PGM1: variants seen among roughly 807,000 people sequenced by gnomAD.
PGM1 encodes the protein phosphoglucomutase 1.
Under a neutral mutation model 55.6 loss-of-function variants are expected in PGM1, and 52 were observed. The observed-to-expected ratio is 0.94, with a 90% confidence interval of 0.75 to 1.18. PGM1 has a LOEUF of 1.18. Ranked by LOEUF, PGM1 falls within the 50% of genes most tolerant of loss-of-function variation. The pLI, the probability that PGM1 is intolerant of heterozygous loss-of-function variation, is 0.00. For synonymous variants in PGM1, 287 were observed against 271.7 expected (o/e 1.06, Z -0.55); for missense variants, 724 against 729.3 (o/e 0.99, Z 0.08).
rs141031220 is a variant in PGM1 at position 63,646,595 on chromosome 1, C to A, written c.1145-1922C>A. Among the ~76,000 whole-genome samples the A allele has an allele frequency of 4.1e-3, 619 of 152,072 alleles. 2 individuals are homozygous for A. Among genetic ancestry groups the A allele is most frequent in the African/African-American group, 0.014 (577 of 41,496 alleles). On this transcript the variant is annotated intron_variant, in intron 7 of 10. Transcript: ENST00000371084. ...ATTTGAAGGCTTTGATCCTTTTTTG[C>A]CAAATTGATGTCCAGAAGGATTGTG...
At chr1:63,642,955 C>G (rs1649556362) in intron 7 of PGM1, among the ~76,000 whole-genome samples, 1 of 152,184 alleles carries the variant, frequency 6.6e-6, no homozygotes, top group Admixed American at 6.5e-5. Context: ...AAGGCCTTCT[C>G]ATAGAGGGCT....
intron 8 of PGM1, among the ~76,000 whole-genome samples, chr1:63,650,007 G>A (rs1649762829): frequency 6.6e-6 from 1 of 152,124 alleles, no homozygotes; most frequent in Admixed American, 6.5e-5. Context: ...GGTTAGGAGG[G>A]GTTGTTCAGA....
At chr1:63,623,436 C>A (rs1403150884) in intron 1 of PGM1, 2 of 1,605,360 alleles carry the variant, frequency 1.2e-6, no homozygotes, top group Non-Finnish European at 1.7e-6. Context: ...GACACCCTCA[C>A]TGAGCCAGTC....
At chr1:63,638,212 A>C (rs988541385) in intron 6 of PGM1, among the ~76,000 whole-genome samples, 2 of 152,202 alleles carry the variant, frequency 1.3e-5, no homozygotes, top group African/African-American at 4.8e-5. Context: ...GCGGTCGGTC[A>C]TCCTGGCTTT....
In PGM1 at chr1:63,600,204, C is replaced by T. The variant is rs542219846; in HGVS notation, c.246+6470C>T. 4.6e-5 allele frequency: 7 copies of T among 152,314 alleles called. No individual in the cohort carries two copies. In the South Asian group the frequency reaches 1.5e-3, roughly 32 times the overall value. The allele number at this position is 152,314 out of a possible 1,614,324, so 9.4% of individuals were successfully genotyped here. On this transcript the variant is annotated intron_variant, in intron 1 of 10. Coordinates refer to ENST00000371084, the MANE Select transcript of PGM1 (RefSeq NM_002633.3). ...CTTAGTCACTAAACAATCTTTGTTA[C>T]ATAAAATACTTAAATCAGCTTGCTT...
intron 1 of PGM1, among the ~76,000 whole-genome samples, chr1:63,598,855 C>G (rs867171961): frequency 1.3e-5 from 2 of 152,158 alleles, no homozygotes; most frequent in African/African-American, 2.4e-5. Flanking sequence ...GGTTAAGGGT[C>G]TCATGTTCTC....
chr1:63,601,555 C>T (rs1200819102), intron 1 of PGM1, among the ~76,000 whole-genome samples: 2 of 152,160 alleles, frequency 1.3e-5, no homozygotes, highest in Admixed American at 6.5e-5. Flanking sequence ...AAGCTGTGCT[C>T]ACAGTTGGGA....
At chr1:63,617,168 C>A (rs1318327808) in intron 1 of PGM1, among the ~76,000 whole-genome samples, 1 of 152,332 alleles carries the variant, frequency 6.6e-6, no homozygotes, top group South Asian at 2.1e-4. Context: ...TGTCTCCTTG[C>A]TGTGGACTGA....
chr1:63,659,787 T>C lies in PGM1; in HGVS notation c.*112T>C. 1.2e-6 allele frequency: 1 copy of C among 814,390 alleles called. No individual in the cohort carries two copies. The highest frequency in any genetic ancestry group is 2.1e-6 in the Non-Finnish European group (1 of 471,856). 50.4% of individuals were successfully genotyped at this position (814,390 alleles called of 1,614,324 possible). A position where few individuals can be genotyped will look rare whatever the true frequency, so the allele number is the denominator to read the frequency against. ...TCACCAAGCATTTTAGGATTTGACT[T>C]TTTCACTAACCAGTTGACGAGCAGT... On this transcript the variant is annotated 3_prime_UTR_variant, in exon 11 of 11. Transcript: ENST00000371084.
At chr1:63,604,272 G>T (rs1170002840) in intron 1 of PGM1, among the ~76,000 whole-genome samples, 3 of 152,194 alleles carry the variant, frequency 2.0e-5, no homozygotes, top group Admixed American at 1.3e-4. Flanking sequence ...GATTAAACAA[G>T]ATGTTTTTCT....
intron 4 of PGM1, 61 bp downstream of exon 4, chr1:63,631,843 G>C: frequency 6.6e-7 from 1 of 1,521,442 alleles, no homozygotes; most frequent in Non-Finnish European, 9.1e-7. Flanking sequence ...CCTCTTCTGT[G>C]TGTATCATGA....
chr1:63,649,951 GATAA>G (rs1649761183), intron 8 of PGM1, among the ~76,000 whole-genome samples: 3 of 152,260 alleles, frequency 2.0e-5, no homozygotes, highest in South Asian at 4.1e-4. Flanking sequence ...GTTTTGAACC[GATAA>G]ATGAATGAGT....
chr1:63,607,537 G>A (rs1648454483), intron 1 of PGM1, among the ~76,000 whole-genome samples: 1 of 152,158 alleles, frequency 6.6e-6, no homozygotes, highest in African/African-American at 2.4e-5. Flanking sequence ...CCCAGCGAAG[G>A]CGTTCTGCAG....
intron 3 of PGM1, among the ~76,000 whole-genome samples, chr1:63,631,248 G>A (rs1291094158): frequency 6.6e-6 from 1 of 152,196 alleles, no homozygotes; most frequent in Non-Finnish European, 1.5e-5. Flanking sequence ...GGAAAGAAAA[G>A]TGGGGATTAC....
intron 8 of PGM1, among the ~76,000 whole-genome samples, chr1:63,650,599 G>A (rs958555600): frequency 4.6e-5 from 7 of 152,078 alleles, no homozygotes; most frequent in Admixed American, 3.3e-4. Context: ...TTGCATATAT[G>A]ATATCTATTT....
At chr1:63,652,007 G>C (rs995241487) in intron 9 of PGM1, among the ~76,000 whole-genome samples, 155 bp downstream of exon 9, 23 of 152,088 alleles carry the variant, frequency 1.5e-4, no homozygotes, top group African/African-American at 5.1e-4. Flanking sequence ...GCTGTCCCAC[G>C]TGACTCTCAC....
intron 1 of PGM1, among the ~76,000 whole-genome samples, chr1:63,597,787 A>G (rs997892383): frequency 2.0e-5 from 3 of 152,192 alleles, no homozygotes; most frequent in Non-Finnish European, 4.4e-5. Context: ...CTCACAAATG[A>G]ATGTGTGCAT....
chr1:63,604,004 A>G lies in PGM1; in HGVS notation c.246+10270A>G, dbSNP rs181845383. 6.0e-4 allele frequency among the ~76,000 whole-genome samples: 91 copies of G among 152,308 alleles called. 1 individual carries two copies. The highest frequency in any genetic ancestry group is 2.0e-3 in the African/African-American group (84 of 41,578). On this transcript the variant is annotated intron_variant, in intron 1 of 10. Transcript: ENST00000371084. ...TGCTACTCAGAGTGCACATATGAGAATCATCTCAATCATGATTCATCACCT... is the reference window on the plus strand; with the variant it reads ...TGCTACTCAGAGTGCACATATGAGAGTCATCTCAATCATGATTCATCACCT...
chr1:63,618,852 C>G (rs895867093), intron 1 of PGM1, among the ~76,000 whole-genome samples: 3 of 152,116 alleles, frequency 2.0e-5, no homozygotes, highest in Admixed American at 6.5e-5. Flanking sequence ...GCAAGCCCTA[C>G]CTACGTGAGA....
Sources: gnomAD v4.1 joint callset for allele counts (sites outside exome capture counted in the v4.1 genomes callset) on GRCh38, gnomAD v4.1.1 for gene constraint, MANE v1.5 for transcripts, NCBI Gene and HGNC (gene_info 2026-07-23, HGNC 2026-07-21) for gene names.